Variants in FAM227A observed in about 807,000 individuals in gnomAD.
FAM227A encodes the protein family with sequence similarity 227 member A, also known as protein FAM227A.
A neutral mutation model predicts 74.7 loss-of-function variants in FAM227A; 80 were observed. The ratio of observed to expected loss-of-function variants is 1.07; its 90% CI spans 0.89 to 1.29. The LOEUF (loss-of-function observed/expected upper bound fraction) is 1.29. FAM227A is among the 50% of genes most tolerant of loss of function. The pLI, the probability that FAM227A is intolerant of heterozygous loss-of-function variation, is 0.00. For synonymous variants in FAM227A, 237 were observed against 241.8 expected (o/e 0.98, Z 0.19); for missense variants, 654 against 683.4 (o/e 0.96, Z 0.48).
chr22:38,608,920 C>G (rs544027837), intron 11 of FAM227A, among the ~76,000 whole-genome samples: 1 of 151,682 alleles, frequency 6.6e-6, no homozygotes, highest in East Asian at 1.9e-4. Context: ...CTCAGCTCCC[C>G]GAGTAGCTGG....
intron 1 of FAM227A, among the ~76,000 whole-genome samples, chr22:38,654,089 C>G (rs2092357408): frequency 6.6e-6 from 1 of 152,086 alleles, no homozygotes; most frequent in Admixed American, 6.6e-5. Context: ...TGGCTCACAC[C>G]TGTAATCCCA....
chr22:38,632,500 G>A (rs1488354571), intron 6 of FAM227A, among the ~76,000 whole-genome samples: 1 of 152,130 alleles, frequency 6.6e-6, no homozygotes, highest in Non-Finnish European at 1.5e-5. Context: ...CCTTGATCTT[G>A]AACCTGCCAG....
intron 3 of FAM227A, among the ~76,000 whole-genome samples, chr22:38,640,551 G>A (rs1430466982): frequency 6.6e-6 from 1 of 152,112 alleles, no homozygotes; most frequent in Admixed American, 6.6e-5. Flanking sequence ...GACCCAAGTT[G>A]CATTGATTGT....
At chr22:38,630,471 C>T (rs758842542) in intron 6 of FAM227A, among the ~76,000 whole-genome samples, 4 of 152,208 alleles carry the variant, frequency 2.6e-5, no homozygotes, top group Non-Finnish European at 5.9e-5. Context: ...AGTTACTGAA[C>T]CCCTCTGTGC....
chr22:38,628,980 T>A (rs2145604742), intron 6 of FAM227A, 45 bp from the exon 7 acceptor site: 3 of 1,179,850 alleles, frequency 2.5e-6, no homozygotes, highest in Non-Finnish European at 3.6e-6. Flanking sequence ...GTTATCTTTT[T>A]AAAAATCCAT....
At chr22:38,617,123 G>A (rs894243018) in intron 11 of FAM227A, among the ~76,000 whole-genome samples, 2 of 152,110 alleles carry the variant, frequency 1.3e-5, no homozygotes, top group African/African-American at 4.8e-5. Flanking sequence ...GGTGCGGCCA[G>A]GCAGCACTGA....
At chr22:38,614,617 T>A (rs1018954144) in intron 11 of FAM227A, among the ~76,000 whole-genome samples, 1 of 152,134 alleles carries the variant, frequency 6.6e-6, no homozygotes, top group African/African-American at 2.4e-5. Flanking sequence ...AGAGGCTCTA[T>A]CCCCACCACA....
chr22:38,611,080 T>C (rs1165025732), intron 11 of FAM227A, among the ~76,000 whole-genome samples: 1 of 151,874 alleles, frequency 6.6e-6, no homozygotes. Flanking sequence ...AAAAAAAATC[T>C]TTCCTATCCA....
chr22:38,623,027 C>T (rs77636070), intron 10 of FAM227A, 145 bp downstream of exon 10: 26,843 of 619,102 alleles, frequency 0.043, 821 homozygotes, highest in African/African-American at 0.11. Context: ...TCCACAAGCA[C>T]GAAGAATTTT....
At chr22:38,614,849 G>A (rs1030367315) in intron 11 of FAM227A, among the ~76,000 whole-genome samples, 2 of 152,118 alleles carry the variant, frequency 1.3e-5, no homozygotes, top group Non-Finnish European at 2.9e-5. Context: ...TAATATTTTG[G>A]TCTTGGTCTC....
At chr22:38,637,608 A>G (rs2092032440) in intron 5 of FAM227A, among the ~76,000 whole-genome samples, 1 of 152,222 alleles carries the variant, frequency 6.6e-6, no homozygotes, top group Non-Finnish European at 1.5e-5. Context: ...ACAGTTCATG[A>G]TTCACGGCAC....
At chr22:38,648,283 G>C (rs986058161) in intron 2 of FAM227A, among the ~76,000 whole-genome samples, 1 of 146,826 alleles carries the variant, frequency 6.8e-6, no homozygotes, top group African/African-American at 2.5e-5. Flanking sequence ...TGGCAGGTGA[G>C]AAGAGGCAAG....
intron 6 of FAM227A, among the ~76,000 whole-genome samples, chr22:38,632,936 G>A (rs1267896798): frequency 3.9e-5 from 6 of 152,216 alleles, no homozygotes; most frequent in Non-Finnish European, 8.8e-5. Context: ...ATGGAGATGA[G>A]AACATGAAGC....
intron 1 of FAM227A, among the ~76,000 whole-genome samples, chr22:38,652,497 AG>A (rs1437120758): frequency 4.0e-5 from 6 of 151,530 alleles, no homozygotes; most frequent in African/African-American, 1.5e-4. Flanking sequence ...CAGAGGCAGG[AG>A]AATGGCGTGA....
At position 38,599,856 on chromosome 22, in the gene FAM227A, A is replaced by T. The variant is rs1344033379; in HGVS notation, c.1287T>A (p.Pro429=). Residue 429 remains proline (P), a synonymous_variant, in exon 14 of 17, where the codon CCT becomes CCA. Coordinates refer to ENST00000535113, the MANE Select transcript of FAM227A (RefSeq NM_001013647.2). ...AGTTCTGGAGAAAGTACACAATCAG[A>T]GGGCTCTTCCCATAAATGTTGAAGA... is the stretch of plus-strand genomic sequence containing the variant. ...SNLFNIYGKS[P]LIVYFLQNYA... 1 of 1,551,502 alleles carries T rather than the reference A, an allele frequency of 6.4e-7. No individual in the cohort carries two copies. Among genetic ancestry groups the T allele is most frequent in the East Asian group, 2.4e-5 (1 of 40,936 alleles).
At chr22:38,593,364 G>C (rs943632927) in intron 15 of FAM227A, among the ~76,000 whole-genome samples, 1 of 152,142 alleles carries the variant, frequency 6.6e-6, no homozygotes, top group Non-Finnish European at 1.5e-5. Context: ...AATTAGCCGG[G>C]CATGGTGGCG....
intron 2 of FAM227A, among the ~76,000 whole-genome samples, chr22:38,648,098 G>A (rs1424033704): frequency 6.6e-6 from 1 of 152,090 alleles, no homozygotes; most frequent in African/African-American, 2.4e-5. Flanking sequence ...TAGTCCGAGA[G>A]GGTTATTTAC....
chr22:38,638,274 C>CA (rs903775949), intron 5 of FAM227A, among the ~76,000 whole-genome samples: 6 of 152,198 alleles, frequency 3.9e-5, no homozygotes, highest in African/African-American at 1.4e-4. Context: ...TGTCTCAAGT[C>CA]AGAGGACTGA....
At chr22:38,640,038 T>TC (rs1231021024) in intron 3 of FAM227A, among the ~76,000 whole-genome samples, 1 of 151,896 alleles carries the variant, frequency 6.6e-6, no homozygotes, top group African/African-American at 2.4e-5. Context: ...CTTCCAGGGT[T>TC]CTTTTTTTTT....
Sources: gnomAD v4.1 joint callset for allele counts (sites outside exome capture counted in the v4.1 genomes callset) on GRCh38, gnomAD v4.1.1 for gene constraint, MANE v1.5 for transcripts, NCBI Gene and HGNC (gene_info 2026-07-23, HGNC 2026-07-21) for gene names.